NAALADL2: variants seen among roughly 807,000 people sequenced by gnomAD.
NAALADL2 encodes N-acetylated alpha-linked acidic dipeptidase like 2, also known as inactive N-acetylated-alpha-linked acidic dipeptidase-like protein 2.
Under a neutral mutation model 87.2 loss-of-function variants are expected in NAALADL2, and 76 were observed. The ratio of observed to expected loss-of-function variants is 0.87; its 90% CI spans 0.72 to 1.05. The LOEUF (loss-of-function observed/expected upper bound fraction) is 1.05. Ranked by LOEUF, NAALADL2 falls within the 50% of genes least tolerant of loss-of-function variation. The probability of loss-of-function intolerance (pLI) is 0.00; values close to 1 mark genes in which losing one functional copy is unlikely to be tolerated. For synonymous variants in NAALADL2, 354 were observed against 331.0 expected, an observed-to-expected ratio of 1.07 and a Z score of -0.75; for missense variants, 1,089 against 945.8, an observed-to-expected ratio of 1.15 and a Z score of -1.99.
chr3:174,875,790 T>G (rs1334919350), intron 1 of NAALADL2, among the ~76,000 whole-genome samples: 1 of 152,176 alleles, frequency 6.6e-6, no homozygotes, highest in Non-Finnish European at 1.5e-5. Context: ...TAAAGTAATA[T>G]CTTGCTGGTA....
intron 2 of NAALADL2, among the ~76,000 whole-genome samples, chr3:174,580,258 G>A (rs562360159): frequency 6.6e-5 from 10 of 152,090 alleles, no homozygotes; most frequent in African/African-American, 1.2e-4. Flanking sequence ...ACATTTGTAC[G>A]TTTTTTCATG....
intron 2 of NAALADL2, among the ~76,000 whole-genome samples, chr3:174,693,965 C>A (rs1238854769): frequency 2.0e-5 from 3 of 152,128 alleles, no homozygotes; most frequent in Non-Finnish European, 4.4e-5. Context: ...AACATTGGAA[C>A]TGGAAAGCTG....
intron 2 of NAALADL2, among the ~76,000 whole-genome samples, chr3:175,223,986 CTG>C (rs1268949743): frequency 1.3e-5 from 2 of 152,058 alleles, no homozygotes; most frequent in Non-Finnish European, 2.9e-5. Flanking sequence ...AATGTTGAAA[CTG>C]AGGGTGGACA....
At chr3:174,997,525 G>A (rs958245535) in intron 1 of NAALADL2, among the ~76,000 whole-genome samples, 7 of 152,128 alleles carry the variant, frequency 4.6e-5, no homozygotes, top group Middle Eastern at 3.4e-3. Flanking sequence ...TGTGAAGAAG[G>A]TTAAAAGACA....
chr3:175,098,527 G>A (rs1196297709), intron 2 of NAALADL2, among the ~76,000 whole-genome samples: 2 of 152,096 alleles, frequency 1.3e-5, no homozygotes, highest in African/African-American at 2.4e-5. Flanking sequence ...ACCTCAGCTG[G>A]AGACACCACT....
Position 175,588,534 on chromosome 3 carries a change from C to CTTTTTTTTTTTTTTTTTTTTTTT in NAALADL2, c.1800+12369_1800+12370insTTTTTTTTTTTTTTTTTTTTTTT, listed in dbSNP as rs1168817019. ...TTAGGAGACTTTCTTTCTTTCTTTT[C>CTTTTTTTTTTTTTTTTTTTTTTT]TTTTTTTTTTTTTTTTTTTTTTGAG... On this transcript the variant is annotated intron_variant, in intron 10 of 13. Transcript: ENST00000454872. 4.6e-4 allele frequency among the ~76,000 whole-genome samples: 36 copies of CTTTTTTTTTTTTTTTTTTTTTTT among 78,142 alleles called. 3 individuals carry two copies. The highest frequency in any genetic ancestry group is 0.011 in the Middle Eastern group (1 of 90). The allele number at this position is 78,142 out of a possible 152,430, so 51.3% of individuals were successfully genotyped here. A position where few individuals can be genotyped will look rare whatever the true frequency, so the allele number is the denominator to read the frequency against.
intron 11 of NAALADL2, among the ~76,000 whole-genome samples, chr3:175,701,554 T>A (rs1319706737): frequency 1.3e-5 from 2 of 152,220 alleles, no homozygotes; most frequent in East Asian, 3.9e-4. Flanking sequence ...TTATCGCACT[T>A]GTGGGCACAG....
Position 175,457,083 on chromosome 3 carries a change from C to A in NAALADL2, c.1235-6318C>A, listed in dbSNP as rs951390304. Among the ~76,000 whole-genome samples, 4 of 151,964 alleles carry A rather than the reference C, an allele frequency of 2.6e-5. No individual in the cohort carries two copies. In the South Asian group the frequency reaches 6.2e-4, roughly 24 times the overall value. On this transcript the variant is annotated intron_variant, in intron 6 of 13. Transcript: ENST00000454872. The stretch of plus-strand genomic sequence containing the variant: ...AGCTGGTGCATGATATTACCATGTA[C>A]CAGGGAACAATTTTTTCCCCTGTTT...
intron 2 of NAALADL2, among the ~76,000 whole-genome samples, chr3:174,671,360 G>GTGAA (rs1227820267): frequency 6.6e-6 from 1 of 152,040 alleles, no homozygotes; most frequent in Non-Finnish European, 1.5e-5. Context: ...TGGGGTCCTA[G>GTGAA]TGAAATCATC....
intron 2 of NAALADL2, among the ~76,000 whole-genome samples, chr3:175,211,663 C>T (rs976292446): frequency 6.6e-6 from 1 of 151,838 alleles, no homozygotes; most frequent in Admixed American, 6.6e-5. Flanking sequence ...TGGATGTATT[C>T]CCTCATGCTT....
At chr3:175,161,155 A>G (rs1733142275) in intron 2 of NAALADL2, among the ~76,000 whole-genome samples, 2 of 152,196 alleles carry the variant, frequency 1.3e-5, no homozygotes, top group Admixed American at 1.3e-4. Flanking sequence ...TCTGTTCTTC[A>G]TGGCTTTTAC....
intron 5 of NAALADL2, among the ~76,000 whole-genome samples, chr3:175,442,660 C>T (rs1466011164): frequency 6.6e-6 from 1 of 152,152 alleles, no homozygotes; most frequent in East Asian, 1.9e-4. Context: ...TTATACTATG[C>T]ACATGTAGCA....
intron 1 of NAALADL2, among the ~76,000 whole-genome samples, chr3:174,534,020 T>G (rs994923425): frequency 2.0e-5 from 3 of 152,184 alleles, no homozygotes; most frequent in Non-Finnish European, 2.9e-5. Flanking sequence ...AAAAAGCAAA[T>G]GCACATATTT....
intron 1 of NAALADL2, among the ~76,000 whole-genome samples, chr3:174,930,613 A>ATTTTTTTTTTTTTTTT (rs1188907600): frequency 1.0e-5 from 1 of 99,776 alleles, no homozygotes; most frequent in Non-Finnish European, 2.0e-5. Context: ...AATAAGATGA[A>ATTTTTTTTTTTTTTTT]CTTTTTTTTT....
At chr3:175,022,236 A>T (rs1469759922) in intron 1 of NAALADL2, among the ~76,000 whole-genome samples, 1 of 152,006 alleles carries the variant, frequency 6.6e-6, no homozygotes, top group Admixed American at 6.6e-5. Flanking sequence ...CCAGCCCCAG[A>T]TATTTACTGC....
chr3:175,647,827 G>T (rs1730221505), intron 11 of NAALADL2, among the ~76,000 whole-genome samples: 2 of 152,114 alleles, frequency 1.3e-5, no homozygotes, highest in African/African-American at 4.8e-5. Context: ...ATGGCATTAT[G>T]GCAAAAAGAA....
chr3:175,780,196 A>T (rs1343070571), intron 13 of NAALADL2, among the ~76,000 whole-genome samples: 4 of 151,830 alleles, frequency 2.6e-5, no homozygotes, highest in Non-Finnish European at 4.4e-5. Context: ...GAATGGCATA[A>T]ATCCAGGAGG....
At chr3:175,174,704 C>T (rs917565571) in intron 2 of NAALADL2, among the ~76,000 whole-genome samples, 4 of 151,598 alleles carry the variant, frequency 2.6e-5, no homozygotes, top group African/African-American at 9.7e-5. Context: ...GATAATAGAT[C>T]AATAGAGATT....
chr3:175,221,142 T>C (rs1743299370), intron 2 of NAALADL2, among the ~76,000 whole-genome samples: 1 of 148,122 alleles, frequency 6.8e-6, no homozygotes, highest in Non-Finnish European at 1.5e-5. Flanking sequence ...GAGGTTGCAG[T>C]GAGCCGAGAT....
Sources: allele counts gnomAD v4.1 joint callset (sites outside exome capture counted in the v4.1 genomes callset), GRCh38; gene constraint gnomAD v4.1.1; transcripts MANE v1.5; gene names NCBI Gene and HGNC (gene_info 2026-07-23, HGNC 2026-07-21).